ZSCAN25: variants seen among roughly 807,000 people sequenced by gnomAD.
ZSCAN25 encodes the protein zinc finger and SCAN domain containing 25.
In ZSCAN25, 27 loss-of-function variants were observed where a neutral mutation model predicts 38.7. The ratio of observed to expected loss-of-function variants is 0.70; its 90% CI spans 0.51 to 0.96. The LOEUF is 0.96. Ranked by LOEUF, ZSCAN25 falls within the 40% of genes least tolerant of loss-of-function variation. The probability of loss-of-function intolerance (pLI) is 0.00; values close to 1 mark genes in which losing one functional copy is unlikely to be tolerated. For missense variants in ZSCAN25, 637 were observed against 705.9 expected (o/e 0.90, Z 1.11); for synonymous variants, 273 against 277.7 (o/e 0.98, Z 0.17).
the ZSCAN25 span, among the ~76,000 whole-genome samples, chr7:99,643,307 A>C: frequency 6.6e-6 from 1 of 152,060 alleles, no homozygotes; most frequent in Non-Finnish European, 1.5e-5. Context: ...ATAAGAGAAG[A>C]ATCATCTTAC....
chr7:99,695,499 A>C, the ZSCAN25 span, among the ~76,000 whole-genome samples: 1 of 152,188 alleles, frequency 6.6e-6, no homozygotes, highest in Non-Finnish European at 1.5e-5. Flanking sequence ...CTGCACATCA[A>C]GTTCTGAACA....
At chr7:99,705,685 A>C in the ZSCAN25 span, 12 of 1,494,156 alleles carry the variant, frequency 8.0e-6, no homozygotes, top group Non-Finnish European at 1.1e-5. Flanking sequence ...TACTGACAAT[A>C]ATGCTTTGTA....
the ZSCAN25 span, among the ~76,000 whole-genome samples, chr7:99,689,424 G>T: frequency 1.3e-5 from 2 of 152,102 alleles, no homozygotes; most frequent in African/African-American, 2.4e-5. Flanking sequence ...TAGAAGAAAT[G>T]GATAAATTCC....
chr7:99,693,499 GC>G, the ZSCAN25 span, among the ~76,000 whole-genome samples: 1 of 152,250 alleles, frequency 6.6e-6, no homozygotes. Context: ...ACTCTGCCCT[GC>G]CCCCAGAAGT....
chr7:99,629,358 C>T lies in ZSCAN25; in HGVS notation c.973C>T (p.Pro325Ser), dbSNP rs10239632. 6.2e-7 allele frequency: 1 copy of T among 1,614,148 alleles called. No individual in the cohort carries two copies. The highest frequency in any genetic ancestry group is 1.7e-5 in the Admixed American group (1 of 60,022). The stretch of plus-strand genomic sequence containing the variant: ...CCCTGCAGGCAGTGCGCCTGGGCTT[C>T]CTCCTCCCCAGCACGGTGCCATCCC... The part of the protein sequence containing the change: ...GGPAGSAPGL[P>S]PPQHGAIPLP... Residue 325 changes from proline to serine, a missense_variant, in exon 8 of 8, where the codon CCT (proline) becomes TCT (serine). Pro to Ser is a moderately conservative substitution (Grantham distance 74). Coordinates refer to ENST00000394152, the MANE Select transcript of ZSCAN25 (RefSeq NM_145115.3). This position sits in a 1 kb window ranked among gnomAD's most constrained non-coding sequence, Gnocchi z 5.6.
the ZSCAN25 span, chr7:99,709,150 C>CT: frequency 1.9e-6 from 3 of 1,613,848 alleles, no homozygotes; most frequent in South Asian, 1.1e-5. Flanking sequence ...ATTTCAACAT[C>CT]TTTTTTGCAG....
downstream of ZSCAN25, among the ~76,000 whole-genome samples, chr7:99,635,949 A>G (rs28390670): frequency 4.8e-3 from 700 of 147,040 alleles, 4 homozygotes; most frequent in African/African-American, 0.016. Context: ...TGGGAGGCTG[A>G]GGCAGGAGAA....
chr7:99,642,517 A>G, the ZSCAN25 span, among the ~76,000 whole-genome samples: 66 of 152,324 alleles, frequency 4.3e-4, no homozygotes, highest in African/African-American at 1.6e-3. Flanking sequence ...GAGACCCTAC[A>G]GGGAAACTGC....
the ZSCAN25 span, among the ~76,000 whole-genome samples, chr7:99,656,791 C>T: frequency 4.6e-5 from 7 of 152,150 alleles, no homozygotes; most frequent in East Asian, 9.6e-4. Context: ...GTTTCAACTT[C>T]TTCCTGGTTT....
the ZSCAN25 span, among the ~76,000 whole-genome samples, chr7:99,681,199 C>T: frequency 6.6e-6 from 1 of 152,198 alleles, no homozygotes; most frequent in Non-Finnish European, 1.5e-5. Flanking sequence ...TTTATCCATT[C>T]ATCTGTTGAT....
At chr7:99,624,763 T>C (rs1807322569) in intron 7 of ZSCAN25, among the ~76,000 whole-genome samples, 1 of 152,020 alleles carries the variant, frequency 6.6e-6, no homozygotes, top group Admixed American at 6.5e-5. Context: ...ATGCGGCCAT[T>C]GTGTGTGACA....
chr7:99,660,214 CTTTTTTTTTTTT>C, the ZSCAN25 span: 186 of 429,924 alleles, frequency 4.3e-4, 1 homozygote, highest in Middle Eastern at 0.012. Context: ...CGCCACACTC[CTTTTTTTTTTTT>C]TTTTTTTTTT....
chr7:99,623,135 A>G (rs943031224), intron 6 of ZSCAN25, among the ~76,000 whole-genome samples: 1 of 152,196 alleles, frequency 6.6e-6, no homozygotes. Context: ...TGTTACAGAT[A>G]GAAACCCCCT....
At chr7:99,621,077 G>A (rs1041697425) in intron 4 of ZSCAN25, 7 of 244,286 alleles carry the variant, frequency 2.9e-5, no homozygotes, top group Admixed American at 5.6e-5. Context: ...CTAGTAGTGA[G>A]TATATTGTGT....
the ZSCAN25 span, among the ~76,000 whole-genome samples, chr7:99,727,214 G>A: frequency 6.6e-6 from 1 of 152,148 alleles, no homozygotes; most frequent in African/African-American, 2.4e-5. Context: ...CACAAGGACT[G>A]GGACCGTGCT....
the ZSCAN25 span, among the ~76,000 whole-genome samples, chr7:99,668,755 G>A: frequency 1.3e-5 from 2 of 152,252 alleles, no homozygotes; most frequent in African/African-American, 2.4e-5. Context: ...AAGGCAGAGC[G>A]CTGCTGTACA....
At chr7:99,686,318 T>A in the ZSCAN25 span, among the ~76,000 whole-genome samples, 25 of 152,330 alleles carry the variant, frequency 1.6e-4, no homozygotes, top group African/African-American at 5.8e-4. Flanking sequence ...AATACTGTGC[T>A]TTTCCAACGG....
chr7:99,727,220 G>A, the ZSCAN25 span, among the ~76,000 whole-genome samples: 9 of 152,136 alleles, frequency 5.9e-5, no homozygotes, highest in Non-Finnish European at 1.2e-4. Context: ...GACTGGGACC[G>A]TGCTCTGTAG....
At chr7:99,617,045 T>G (rs1048960941) in intron 1 of ZSCAN25, 29 bp downstream of exon 1, 1 of 151,998 alleles carries the variant, frequency 6.6e-6, no homozygotes, top group Non-Finnish European at 1.5e-5. Context: ...CCGCAGCGGG[T>G]GGCGGGCGAA....
Sources: gnomAD v4.1 joint callset for allele counts (sites outside exome capture counted in the v4.1 genomes callset) on GRCh38, gnomAD v4.1.1 for gene constraint, Gnocchi (gnomAD v3.1) non-coding constraint, MANE v1.5 for transcripts, NCBI Gene and HGNC (gene_info 2026-07-23, HGNC 2026-07-21) for gene names.